The following SORCS1 variants were observed in gnomAD, a reference collection of about 807,000 sequenced individuals.
SORCS1 encodes sortilin related VPS10 domain containing receptor 1, also known as VPS10 domain-containing receptor SorCS1.
In SORCS1, 60 loss-of-function variants were observed where a neutral mutation model predicts 146.1. The ratio of observed to expected loss-of-function variants is 0.41; its 90% confidence interval spans 0.33 to 0.51. SORCS1 has a LOEUF of 0.51. Ranked by LOEUF, SORCS1 falls within the 20% of genes least tolerant of loss-of-function variation. The pLI, the probability that SORCS1 is intolerant of heterozygous loss-of-function variation, is 0.21. For synonymous variants in SORCS1, 637 were observed against 584.0 expected, an observed-to-expected ratio of 1.09 and a Z score of -1.31; for missense variants, 1,352 against 1,487.6, an observed-to-expected ratio of 0.91 and a Z score of 1.50.
Position 106,579,117 on chromosome 10 carries a change from T to C in SORCS1, c.3371+252A>G, listed in dbSNP as rs753848233. On this transcript the variant is annotated intron_variant, in intron 25 of 25. Coordinates refer to ENST00000263054, the MANE Select transcript of SORCS1 (RefSeq NM_052918.5). ...TATGAGCTGGGATTCCACCTTCTCA[T>C]CTATAAGCTGGCCAGGCCTCCTTAG... The C allele has an allele frequency of 3.7e-6, 6 of 1,614,066 alleles. No individual in the cohort carries two copies. In the East Asian group the frequency reaches 1.1e-4, roughly 30 times the overall value.
chr10:107,106,791 A>C (rs1274189421), intron 1 of SORCS1, among the ~76,000 whole-genome samples: 1 of 152,172 alleles, frequency 6.6e-6, no homozygotes, highest in African/African-American at 2.4e-5. Context: ...TGAGGAGCTC[A>C]TCAGGTCTTG....
chr10:106,701,386 C>A (rs1854128301), intron 8 of SORCS1, among the ~76,000 whole-genome samples: 1 of 152,148 alleles, frequency 6.6e-6, no homozygotes, highest in South Asian at 2.1e-4. Flanking sequence ...TCTCTGGCAA[C>A]AGCAACTGAA....
chr10:106,866,191 G>A (rs1474758386), intron 2 of SORCS1, among the ~76,000 whole-genome samples: 1 of 152,178 alleles, frequency 6.6e-6, no homozygotes, highest in Non-Finnish European at 1.5e-5. Flanking sequence ...TGACTCTGCA[G>A]TGGAACTGCC....
intron 22 of SORCS1, among the ~76,000 whole-genome samples, chr10:106,609,659 C>G (rs1330058070): frequency 6.6e-6 from 1 of 152,214 alleles, no homozygotes; most frequent in African/African-American, 2.4e-5. Flanking sequence ...CTGCTATAAC[C>G]CTGCCCTGAG....
At chr10:106,910,322 T>C (rs974922484) in intron 2 of SORCS1, among the ~76,000 whole-genome samples, 2 of 106,134 alleles carry the variant, frequency 1.9e-5, no homozygotes, top group African/African-American at 1.1e-4. Flanking sequence ...TGTGAGACAG[T>C]ATATATATAT....
intron 5 of SORCS1, among the ~76,000 whole-genome samples, chr10:106,740,118 G>C (rs1201247200): frequency 1.3e-5 from 2 of 152,070 alleles, no homozygotes; most frequent in Admixed American, 6.6e-5. Context: ...AATACATGAT[G>C]GTTTATTAGA....
chr10:107,053,125 A>G (rs1027820826), intron 1 of SORCS1, among the ~76,000 whole-genome samples: 1 of 152,182 alleles, frequency 6.6e-6, no homozygotes, highest in Non-Finnish European at 1.5e-5. Flanking sequence ...CCTCGCTTAT[A>G]GCCACTCAAT....
At chr10:106,684,851 T>G (rs2135596083) in intron 10 of SORCS1, among the ~76,000 whole-genome samples, 1 of 152,284 alleles carries the variant, frequency 6.6e-6, no homozygotes, top group South Asian at 2.1e-4. Flanking sequence ...ACAGTCTTCG[T>G]CTCCTGTAGC....
chr10:106,602,874 T>C lies in SORCS1; in HGVS notation c.3165+4292A>G, dbSNP rs541977337. On this transcript the variant is annotated intron_variant, in intron 23 of 25. Coordinates refer to ENST00000263054, the MANE Select transcript of SORCS1 (RefSeq NM_052918.5). The stretch of plus-strand genomic sequence containing the variant: ...AATAGAGATTATTAATTCCATTTCA[T>C]AATAAATTTCTATTTTCTTAAAACT... Among the ~76,000 whole-genome samples the C allele has an allele frequency of 4.1e-4, 63 of 152,350 alleles. 1 individual carries two copies. In the South Asian group the frequency reaches 0.012, roughly 30 times the overall value.
Position 106,800,692 on chromosome 10 carries a change from TTTTG to T in SORCS1, c.727-24004_727-24001del, listed in dbSNP as rs915753438. On this transcript the variant is annotated intron_variant, in intron 3 of 25. Transcript: ENST00000263054. ...GCACACCGCCACACCCAGCTAATTTTTTTGTTTGTTTGTTTGTTTTGTTTTGTTT... is the reference window on the plus strand; with the variant it reads ...GCACACCGCCACACCCAGCTAATTTTTTTGTTTGTTTGTTTTGTTTTGTTT... 1.4e-4 allele frequency among the ~76,000 whole-genome samples: 22 copies of T among 151,990 alleles called. No individual in the cohort carries two copies. In the East Asian group the frequency reaches 1.5e-3, roughly 11 times the overall value.
At chr10:106,945,619 C>T (rs1954298950) in intron 2 of SORCS1, among the ~76,000 whole-genome samples, 1 of 152,150 alleles carries the variant, frequency 6.6e-6, no homozygotes, top group African/African-American at 2.4e-5. Context: ...GAATCTATAA[C>T]CAGGTTTGAT....
chr10:106,876,721 G>A (rs1381183743), intron 2 of SORCS1, among the ~76,000 whole-genome samples: 1 of 152,124 alleles, frequency 6.6e-6, no homozygotes, highest in Non-Finnish European at 1.5e-5. Flanking sequence ...GAGATTGCTT[G>A]GGAAAGAAGT....
chr10:107,059,505 A>G (rs1327122954), intron 1 of SORCS1, among the ~76,000 whole-genome samples: 2 of 152,192 alleles, frequency 1.3e-5, no homozygotes, highest in Non-Finnish European at 2.9e-5. Context: ...TGCCCAGATG[A>G]CAGAAGAGAT....
chr10:106,998,645 C>G (rs1042336192), intron 1 of SORCS1, among the ~76,000 whole-genome samples: 1 of 152,214 alleles, frequency 6.6e-6, no homozygotes, highest in African/African-American at 2.4e-5. Context: ...AAGAGAAGGG[C>G]AGAATGCCAT....
At chr10:106,778,794 T>C (rs770514698) in intron 3 of SORCS1, among the ~76,000 whole-genome samples, 4 of 152,198 alleles carry the variant, frequency 2.6e-5, no homozygotes, top group Non-Finnish European at 5.9e-5. Context: ...ACTCTGATTT[T>C]CTAGTTCCCT....
chr10:106,610,568 C>G (rs1218290708), intron 22 of SORCS1, among the ~76,000 whole-genome samples: 1 of 152,180 alleles, frequency 6.6e-6, no homozygotes, highest in Non-Finnish European at 1.5e-5. Context: ...GTTTTCTGAT[C>G]AGGAGTTATC....
chr10:106,688,128 CTG>C, intron 10 of SORCS1, 62 bp downstream of exon 10: 1 of 1,565,528 alleles, frequency 6.4e-7, no homozygotes. Flanking sequence ...TCCTCACCCT[CTG>C]TTAAATATCC....
intron 1 of SORCS1, among the ~76,000 whole-genome samples, chr10:107,027,474 C>T (rs569235425): frequency 1.3e-5 from 2 of 152,294 alleles, no homozygotes; most frequent in African/African-American, 2.4e-5. Context: ...TGTAACTCAG[C>T]GTGGCAGCGT....
intron 2 of SORCS1, among the ~76,000 whole-genome samples, chr10:106,908,623 C>T (rs1484237693): frequency 6.6e-6 from 1 of 152,190 alleles, no homozygotes; most frequent in Non-Finnish European, 1.5e-5. Flanking sequence ...CTGGATGCAT[C>T]TTCAGTGGGA....
Sources: allele counts gnomAD v4.1 joint callset (sites outside exome capture counted in the v4.1 genomes callset), GRCh38; gene constraint gnomAD v4.1.1; transcripts MANE v1.5; gene names NCBI Gene and HGNC (gene_info 2026-07-23, HGNC 2026-07-21).